Variants in GALNT13 observed in about 807,000 individuals in gnomAD.
GALNT13 encodes the protein polypeptide N-acetylgalactosaminyltransferase 13.
GALNT13 carries 28 observed loss-of-function variants against 64.2 expected under a neutral mutation model. The ratio of observed to expected loss-of-function variants is 0.44; its 90% CI spans 0.32 to 0.60. GALNT13 has a LOEUF of 0.60. Among genes scored for constraint, GALNT13 ranks in the 20% least tolerant of loss-of-function variants. The probability of loss-of-function intolerance (pLI) is 0.05; values close to 1 mark genes in which losing one functional copy is unlikely to be tolerated. For synonymous variants in GALNT13, 214 were observed against 224.6 expected, an observed-to-expected ratio of 0.95 and a Z score of 0.42; for missense variants, 577 against 669.8, an observed-to-expected ratio of 0.86 and a Z score of 1.53.
the GALNT13 span, among the ~76,000 whole-genome samples, chr2:153,775,163 G>A: frequency 6.6e-6 from 1 of 152,114 alleles, no homozygotes; most frequent in African/African-American, 2.4e-5. Flanking sequence ...GACAGAGGAG[G>A]AGGAAGTTTC....
the GALNT13 span, among the ~76,000 whole-genome samples, chr2:153,205,557 A>G: frequency 1.3e-5 from 2 of 152,072 alleles, no homozygotes; most frequent in African/African-American, 2.4e-5. Flanking sequence ...ATTTCTCAGA[A>G]AAAGTTCTTC....
chr2:154,156,688 C>G (rs542161098), intron 4 of GALNT13, among the ~76,000 whole-genome samples: 2 of 152,230 alleles, frequency 1.3e-5, no homozygotes, highest in East Asian at 1.9e-4. Context: ...TATTTGCTCT[C>G]AACCACTACA....
At chr2:153,613,441 G>A in the GALNT13 span, among the ~76,000 whole-genome samples, 1 of 151,976 alleles carries the variant, frequency 6.6e-6, no homozygotes, top group African/African-American at 2.4e-5. Context: ...TCTGTCAGAT[G>A]CAAAAAGTGC....
At chr2:153,365,692 A>T in the GALNT13 span, among the ~76,000 whole-genome samples, 5 of 152,236 alleles carry the variant, frequency 3.3e-5, no homozygotes, top group South Asian at 1.0e-3. Flanking sequence ...AACCACAATG[A>T]GATACTATCT....
At chr2:153,216,270 T>G in the GALNT13 span, among the ~76,000 whole-genome samples, 1 of 152,078 alleles carries the variant, frequency 6.6e-6, no homozygotes. Flanking sequence ...GCTATAAACA[T>G]TTCTATACAG....
At chr2:153,306,257 A>G in the GALNT13 span, among the ~76,000 whole-genome samples, 1 of 152,146 alleles carries the variant, frequency 6.6e-6, no homozygotes, top group African/African-American at 2.4e-5. Context: ...ATTGGGGAAG[A>G]TTTTATAATT....
intron 9 of GALNT13, among the ~76,000 whole-genome samples, chr2:154,311,239 G>A (rs1253132693): frequency 6.6e-6 from 1 of 151,970 alleles, no homozygotes; most frequent in African/African-American, 2.4e-5. Context: ...ATAGATAATT[G>A]CACAGATATA....
chr2:154,042,152 G>A (rs1699015026), intron 3 of GALNT13, among the ~76,000 whole-genome samples: 1 of 140,004 alleles, frequency 7.1e-6, no homozygotes, highest in Non-Finnish European at 1.6e-5. Context: ...GCAACATCAA[G>A]ATTTTGATGG....
the GALNT13 span, among the ~76,000 whole-genome samples, chr2:153,324,104 G>A: frequency 6.6e-6 from 1 of 152,086 alleles, no homozygotes; most frequent in Non-Finnish European, 1.5e-5. Context: ...TCACAATATT[G>A]ATTCTTCTTA....
At chr2:153,856,884 G>A in the GALNT13 span, among the ~76,000 whole-genome samples, 14 of 152,112 alleles carry the variant, frequency 9.2e-5, no homozygotes, top group African/African-American at 3.1e-4. Flanking sequence ...CAACTCTAAC[G>A]TGGATCTATA....
At chr2:153,075,559 A>G in the GALNT13 span, among the ~76,000 whole-genome samples, 4 of 152,322 alleles carry the variant, frequency 2.6e-5, no homozygotes, top group East Asian at 7.7e-4. Context: ...TTGAGCAACT[A>G]AATAATTCCT....
chr2:154,022,989 T>C (rs1697641999), intron 3 of GALNT13, among the ~76,000 whole-genome samples: 2 of 152,286 alleles, frequency 1.3e-5, no homozygotes, highest in East Asian at 3.9e-4. Flanking sequence ...GTTCAGATTC[T>C]ATGTAGTTGA....
the GALNT13 span, among the ~76,000 whole-genome samples, chr2:153,430,041 A>G: frequency 2.0e-5 from 3 of 152,130 alleles, no homozygotes; most frequent in East Asian, 1.9e-4. Context: ...GGGAACTACA[A>G]TCATGGGAAC....
chr2:154,047,059 A>T (rs1002775671), intron 3 of GALNT13, among the ~76,000 whole-genome samples: 1 of 151,694 alleles, frequency 6.6e-6, no homozygotes, highest in South Asian at 2.1e-4. Flanking sequence ...AAAATGTGAG[A>T]CCTCTGATGA....
chr2:153,395,969 T>C, the GALNT13 span, among the ~76,000 whole-genome samples: 4 of 152,164 alleles, frequency 2.6e-5, no homozygotes. Flanking sequence ...GTGGTCCAGA[T>C]GGTCTTTGTC....
At chr2:153,319,314 A>G in the GALNT13 span, among the ~76,000 whole-genome samples, 1 of 152,196 alleles carries the variant, frequency 6.6e-6, no homozygotes, top group African/African-American at 2.4e-5. Context: ...TCACTCTGTC[A>G]TCTAGACTGG....
intron 9 of GALNT13, among the ~76,000 whole-genome samples, chr2:154,339,955 G>A (rs1417586143): frequency 1.3e-5 from 2 of 152,140 alleles, no homozygotes; most frequent in African/African-American, 2.4e-5. Flanking sequence ...TATATTTTAT[G>A]TTTTCTACCA....
intron 3 of GALNT13, among the ~76,000 whole-genome samples, chr2:154,121,358 T>C (rs971688067): frequency 2.0e-5 from 3 of 152,168 alleles, no homozygotes; most frequent in South Asian, 2.1e-4. Flanking sequence ...TTAATGTATA[T>C]ACAATAGCGT....
the GALNT13 span, among the ~76,000 whole-genome samples, chr2:153,257,341 C>A: frequency 1.3e-5 from 2 of 152,010 alleles, no homozygotes; most frequent in African/African-American, 2.4e-5. Flanking sequence ...CACTGACCTG[C>A]GCCCACTGTC....
Sources: allele counts gnomAD v4.1 joint callset (sites outside exome capture counted in the v4.1 genomes callset), GRCh38; gene constraint gnomAD v4.1.1; transcripts MANE v1.5; gene names NCBI Gene and HGNC (gene_info 2026-07-23, HGNC 2026-07-21).